The following SORCS3 variants were observed in gnomAD, a reference collection of about 807,000 sequenced individuals.
SORCS3 encodes the protein VPS10 domain-containing receptor SorCS3.
A neutral mutation model predicts 146.3 loss-of-function variants in SORCS3; 57 were observed. That is an observed-to-expected ratio of 0.39 (90% CI 0.31 to 0.49). SORCS3 has a LOEUF of 0.49. SORCS3 is among the 20% of genes least tolerant of loss of function. SORCS3 has a pLI of 0.92. For missense variants in SORCS3, 1,341 were observed against 1,575.5 expected (o/e 0.85, Z 2.52); for synonymous variants, 653 against 618.5 (o/e 1.06, Z -0.83).
intron 1 of SORCS3, among the ~76,000 whole-genome samples, chr10:104,746,124 TTGATAAC>T (rs1335064739): frequency 2.0e-5 from 3 of 151,974 alleles, no homozygotes; most frequent in African/African-American, 7.3e-5. Flanking sequence ...ATGTGTTGTT[TTGATAAC>T]TGTTTTCTTT....
chr10:105,031,342 C>A (rs1373347482), intron 4 of SORCS3, among the ~76,000 whole-genome samples: 2 of 135,108 alleles, frequency 1.5e-5, no homozygotes, highest in Middle Eastern at 3.6e-3. Flanking sequence ...AACACACACA[C>A]ACACACACAC....
chr10:104,974,518 C>G (rs921749805), intron 3 of SORCS3, among the ~76,000 whole-genome samples: 1 of 151,974 alleles, frequency 6.6e-6, no homozygotes, highest in South Asian at 2.1e-4. Context: ...GGATTGCAAC[C>G]CCTGCCTTTT....
At chr10:105,011,233 T>C (rs1273748244) in intron 4 of SORCS3, among the ~76,000 whole-genome samples, 1 of 152,182 alleles carries the variant, frequency 6.6e-6, no homozygotes, top group Non-Finnish European at 1.5e-5. Context: ...ACTTAAAGTA[T>C]CTAGTTCAAT....
At chr10:104,821,848 T>A (rs566650860) in intron 1 of SORCS3, among the ~76,000 whole-genome samples, 1 of 152,318 alleles carries the variant, frequency 6.6e-6, no homozygotes, top group East Asian at 1.9e-4. Flanking sequence ...TCCCCCATTA[T>A]GCTGAGAGTC....
chr10:104,686,501 T>G (rs1437786650), intron 1 of SORCS3, among the ~76,000 whole-genome samples: 1 of 152,080 alleles, frequency 6.6e-6, no homozygotes, highest in East Asian at 1.9e-4. Context: ...AGTTGGTAAA[T>G]TGCAGAGATG....
At chr10:104,988,319 A>G (rs2054974057) in intron 4 of SORCS3, among the ~76,000 whole-genome samples, 1 of 152,174 alleles carries the variant, frequency 6.6e-6, no homozygotes, top group South Asian at 2.1e-4. Flanking sequence ...GAGTAAGACA[A>G]CAAAATCAGC....
intron 4 of SORCS3, among the ~76,000 whole-genome samples, chr10:105,019,070 A>G (rs779923145): frequency 6.6e-6 from 1 of 151,888 alleles, no homozygotes; most frequent in Non-Finnish European, 1.5e-5. Context: ...CTCATTTTTT[A>G]TCTTTGTTTG....
chr10:104,885,083 G>A (rs925273800), intron 2 of SORCS3, among the ~76,000 whole-genome samples: 57 of 152,304 alleles, frequency 3.7e-4, no homozygotes, highest in Admixed American at 3.3e-3. Context: ...CACCATGCCA[G>A]GAGTAAAGTG....
At position 105,158,907 on chromosome 10, in the gene SORCS3, C is replaced by A. The variant is rs768135949; in HGVS notation, c.1645C>A (p.His549Asn). The A allele has an allele frequency of 1.2e-6, 2 of 1,612,436 alleles. No homozygotes were observed. Among genetic ancestry groups the A allele is most frequent in the Non-Finnish European group, 1.7e-6 (2 of 1,178,728 alleles). ...TCCATTTTAGCCCTTCTGTTCCTTACATCTGCACCTGCAACTCTCTGAAAA... is the reference window on the plus strand; with the variant it reads ...TCCATTTTAGCCCTTCTGTTCCTTAAATCTGCACCTGCAACTCTCTGAAAA... Reference protein sequence around the residue: ...VHCLLPFCSLHLHLQLSENPY... With the variant: ...VHCLLPFCSLNLHLQLSENPY... Residue 549 changes from histidine (H) to asparagine (N), a missense_variant, in exon 11 of 27, where the codon CAT becomes AAT. Transcript: ENST00000369701.
intron 1 of SORCS3, among the ~76,000 whole-genome samples, chr10:104,739,429 A>G (rs2016815194): frequency 6.6e-6 from 1 of 152,172 alleles, no homozygotes; most frequent in Non-Finnish European, 1.5e-5. Context: ...GCTCTCTGAT[A>G]AGTCTGACCA....
intron 5 of SORCS3, among the ~76,000 whole-genome samples, chr10:105,064,000 C>T (rs1447131874): frequency 6.6e-6 from 1 of 152,180 alleles, no homozygotes; most frequent in African/African-American, 2.4e-5. Context: ...CTGCAGATGG[C>T]CCCAGAGTGC....
intron 4 of SORCS3, among the ~76,000 whole-genome samples, chr10:105,038,238 A>G (rs1433064070): frequency 6.6e-6 from 1 of 152,240 alleles, no homozygotes; most frequent in Non-Finnish European, 1.5e-5. Flanking sequence ...TGTATAAACA[A>G]GGAAAGTTTT....
chr10:105,193,852 G>A (rs991959324), intron 14 of SORCS3, among the ~76,000 whole-genome samples: 1 of 152,104 alleles, frequency 6.6e-6, no homozygotes, highest in Non-Finnish European at 1.5e-5. Context: ...TGTAACCAGA[G>A]TCATGTTAGC....
chr10:104,933,765 C>T (rs924525869), intron 3 of SORCS3, among the ~76,000 whole-genome samples: 1 of 152,160 alleles, frequency 6.6e-6, no homozygotes, highest in African/African-American at 2.4e-5. Flanking sequence ...GTCCACTCCA[C>T]CTATCAAAAT....
At chr10:104,647,327 T>C (rs1023363346) in intron 1 of SORCS3, among the ~76,000 whole-genome samples, 1 of 152,182 alleles carries the variant, frequency 6.6e-6, no homozygotes, top group Non-Finnish European at 1.5e-5. Context: ...CCCTTCTTTC[T>C]TGATGAAAGG....
chr10:105,080,165 C>A (rs2055613477), intron 5 of SORCS3, among the ~76,000 whole-genome samples: 1 of 152,220 alleles, frequency 6.6e-6, no homozygotes, highest in Non-Finnish European at 1.5e-5. Context: ...AACTAATTTA[C>A]ACTCATACCA....
At chr10:104,784,131 A>G (rs1208944682) in intron 1 of SORCS3, among the ~76,000 whole-genome samples, 1 of 152,210 alleles carries the variant, frequency 6.6e-6, no homozygotes, top group Admixed American at 6.5e-5. Context: ...TTCTCTAGGA[A>G]ATAACTAGAA....
At chr10:105,072,880 G>A (rs1178708987) in intron 5 of SORCS3, among the ~76,000 whole-genome samples, 8 of 152,152 alleles carry the variant, frequency 5.3e-5, no homozygotes, top group South Asian at 4.2e-4. Flanking sequence ...TGGCAGGCAC[G>A]TAGTGAGTAC....
chr10:104,654,862 A>C (rs528965285), intron 1 of SORCS3, among the ~76,000 whole-genome samples: 6 of 152,230 alleles, frequency 3.9e-5, no homozygotes, highest in Non-Finnish European at 7.3e-5. Context: ...GATTTACACA[A>C]AATCGGTAGT....
Sources: gnomAD v4.1 joint callset for allele counts (sites outside exome capture counted in the v4.1 genomes callset) on GRCh38, gnomAD v4.1.1 for gene constraint, MANE v1.5 for transcripts, NCBI Gene and HGNC (gene_info 2026-07-23, HGNC 2026-07-21) for gene names.